The following GRM3 variants were observed in gnomAD, a reference collection of about 807,000 sequenced individuals.
GRM3 encodes the protein glutamate metabotropic receptor 3, also known as metabotropic glutamate receptor 3.
Under a neutral mutation model 70.5 loss-of-function variants are expected in GRM3, and 26 were observed. That is an observed-to-expected ratio of 0.37 (90% confidence interval 0.27 to 0.51). The LOEUF is 0.51. Among genes scored for constraint, GRM3 ranks in the 20% least tolerant of loss-of-function variants. The pLI, the probability that GRM3 is intolerant of heterozygous loss-of-function variation, is 0.93. For missense variants in GRM3, 859 were observed against 1,123.8 expected (o/e 0.76, Z 3.37); for synonymous variants, 443 against 434.9 (o/e 1.02, Z -0.23).
At chr7:86,655,855 TGGGTGG>T (rs1562814710) in intron 1 of GRM3, among the ~76,000 whole-genome samples, 31 of 146,410 alleles carry the variant, frequency 2.1e-4, no homozygotes, top group African/African-American at 7.8e-4. Context: ...TGTGTGTGGG[TGGGTGG>T]GTGTGTGTGT....
At position 86,729,633 on chromosome 7, in the gene GRM3, T is replaced by C. The variant is rs547507437; in HGVS notation, c.-140-35373T>C. The stretch of plus-strand genomic sequence containing the variant: ...ATTAATATATACGCATATGAAATTA[T>C]GTATGTACATACACAAACTTTTCTA... On this transcript the variant is annotated intron_variant, in intron 1 of 5. Transcript: ENST00000361669. Among the ~76,000 whole-genome samples the C allele has an allele frequency of 2.6e-5, 4 of 152,372 alleles. No individual in the cohort carries two copies. The East Asian group carries it at 7.7e-4, about 29-fold the overall frequency.
chr7:86,688,747 GTATA>G, intron 1 of GRM3, among the ~76,000 whole-genome samples: 1 of 144,310 alleles, frequency 6.9e-6, no homozygotes, highest in South Asian at 2.2e-4. Context: ...TATATATATC[GTATA>G]TATATATCTC....
chr7:86,679,229 G>T (rs1481494374), intron 1 of GRM3, among the ~76,000 whole-genome samples: 1 of 151,966 alleles, frequency 6.6e-6, no homozygotes, highest in Admixed American at 6.6e-5. Flanking sequence ...TGAATTTGTA[G>T]AAGGAAATAT....
At chr7:86,704,370 A>G (rs1306406010) in intron 1 of GRM3, among the ~76,000 whole-genome samples, 3 of 152,038 alleles carry the variant, frequency 2.0e-5, no homozygotes, top group African/African-American at 7.2e-5. Flanking sequence ...ATATTTTTCC[A>G]TTATCACCTA....
rs374643241 is a variant in GRM3 at position 86,787,036 on chromosome 7, C to T, written c.1244C>T (p.Thr415Ile). 3 of 1,613,206 alleles carry T rather than the reference C, an allele frequency of 1.9e-6. No individual in the cohort carries two copies. The highest frequency in any genetic ancestry group is 2.5e-6 in the Non-Finnish European group (3 of 1,179,480). Residue 415 changes from threonine to isoleucine, a missense_variant, in exon 3 of 6, where the codon ACT becomes ATT. Coordinates refer to ENST00000361669, the MANE Select transcript of GRM3 (RefSeq NM_000840.3). ...ATGCAGCGCACCCTCTGTCCCAACA[C>T]TACCAAGCTTTGTGATGCTATGAAG... ...HKMQRTLCPN[T>I]TKLCDAMKIL...
In GRM3 at chr7:86,786,461, G is replaced by T. The variant is rs1449556938; in HGVS notation, c.669G>T (p.Gly223=). 2 of 1,614,104 alleles carry T rather than the reference G, an allele frequency of 1.2e-6. No homozygotes were observed. The highest frequency in any genetic ancestry group is 1.3e-5 in the African/African-American group (1 of 74,940). ...CAGTAGCCTCCGAGGGTGATTACGG[G>T]GAGACAGGGATCGAGGCCTTCGAGC... is the stretch of plus-strand genomic sequence containing the variant. ...VSTVASEGDY[G]ETGIEAFEQE... is the part of the protein sequence containing the mutation. The change falls in exon 3 of 6, where the codon GGG becomes GGT. Residue 223 remains glycine (G), a synonymous_variant. Transcript: ENST00000361669. This position sits in a 1 kb window ranked among gnomAD's most constrained non-coding sequence, Gnocchi z 6.0.
intron 1 of GRM3, among the ~76,000 whole-genome samples, chr7:86,708,944 TATAC>T (rs942076975): frequency 2.9e-4 from 22 of 77,026 alleles, no homozygotes; most frequent in African/African-American, 1.3e-3. Context: ...CACACATACA[TATAC>T]ACACACACAC....
intron 1 of GRM3, among the ~76,000 whole-genome samples, chr7:86,681,319 G>C (rs1251103739): frequency 2.0e-5 from 3 of 152,100 alleles, no homozygotes; most frequent in African/African-American, 7.2e-5. Flanking sequence ...TCTCCATACT[G>C]GCCAAGGGGA....
intron 1 of GRM3, among the ~76,000 whole-genome samples, chr7:86,657,130 T>A (rs1793766933): frequency 6.6e-6 from 1 of 152,192 alleles, no homozygotes; most frequent in Non-Finnish European, 1.5e-5. Flanking sequence ...ATATAAAAGT[T>A]TAAAAATTTA....
rs754710321 is a variant in GRM3 at position 86,839,402 on chromosome 7, T to A, written c.1888T>A (p.Phe630Ile). ...GGTTGGCCTGTCATACTGCATGACA[T>A]TCTTCTTCATTGCCAAGCCATCACC... is the stretch of plus-strand genomic sequence containing the variant. The part of the protein sequence containing the change: ...FGVGLSYCMT[F>I]FFIAKPSPVI... The change falls in exon 4 of 6, where the codon TTC (phenylalanine) becomes ATC (isoleucine). Residue 630 changes from phenylalanine (F) to isoleucine (I), a missense_variant. Phe to Ile is a conservative substitution (Grantham distance 21). Coordinates refer to ENST00000361669, the MANE Select transcript of GRM3 (RefSeq NM_000840.3). The surrounding 1 kb of genome is among the most constrained non-coding windows in gnomAD (Gnocchi z 4.5). 6.2e-7 allele frequency: 1 copy of A among 1,613,952 alleles called. No individual in the cohort carries two copies. Among genetic ancestry groups the A allele is most frequent in the African/African-American group, 1.3e-5 (1 of 75,046 alleles).
chr7:86,711,312 G>A (rs923623888), intron 1 of GRM3, among the ~76,000 whole-genome samples: 8 of 151,758 alleles, frequency 5.3e-5, no homozygotes, highest in African/African-American at 1.5e-4. Context: ...ATCCTAATAC[G>A]GAACAACAGA....
chr7:86,754,291 C>G (rs1227909272), intron 1 of GRM3, among the ~76,000 whole-genome samples: 1 of 152,122 alleles, frequency 6.6e-6, no homozygotes, highest in Non-Finnish European at 1.5e-5. Context: ...AAATGTCTCT[C>G]TCTTTAATGT....
chr7:86,779,790 C>T (rs1424734426), intron 2 of GRM3, among the ~76,000 whole-genome samples: 1 of 152,062 alleles, frequency 6.6e-6, no homozygotes, highest in African/African-American at 2.4e-5. Context: ...ACAGAAGGAA[C>T]ATCACAGTAA....
intron 1 of GRM3, 61 bp downstream of exon 1, chr7:86,644,933 C>A: frequency 1.1e-6 from 1 of 951,824 alleles, no homozygotes; most frequent in Non-Finnish European, 1.5e-6. Context: ...CGCGGAAGCT[C>A]GGGTGCCGCG....
chr7:86,811,810 A>G (rs1044493290), intron 3 of GRM3, among the ~76,000 whole-genome samples: 13 of 151,768 alleles, frequency 8.6e-5, no homozygotes, highest in Middle Eastern at 3.4e-3. Flanking sequence ...AAACCTTGAT[A>G]ATCATCTGTA....
In GRM3 at chr7:86,828,111, C is replaced by CAA. The variant is rs55645713; in HGVS notation, c.1325-10703_1325-10702dup. Among the ~76,000 whole-genome samples the CAA allele has an allele frequency of 6.3e-4, 43 of 68,284 alleles. 1 individual carries two copies. The highest frequency in any genetic ancestry group is 1.8e-3 in the East Asian group (3 of 1,672). 44.8% of individuals were successfully genotyped at this position (68,284 alleles called of 152,430 possible). On this transcript the variant is annotated intron_variant, in intron 3 of 5. Coordinates refer to ENST00000361669, the MANE Select transcript of GRM3 (RefSeq NM_000840.3). ...TGGGCGACTGAGCAGAACTCCGTAT[C>CAA]AAAAAAAAAAAAAAAAAAAAAAAAA...
At position 86,814,547 on chromosome 7, in the gene GRM3, C is replaced by T. The variant is rs975004567; in HGVS notation, c.1325-24292C>T. On this transcript the variant is annotated intron_variant, in intron 3 of 5. Coordinates refer to ENST00000361669, the MANE Select transcript of GRM3 (RefSeq NM_000840.3). ...GACAATATCAGAAGAAATACACTCT[C>T]TTGAAGATATAAAGCTAACTGCCAT... Among the ~76,000 whole-genome samples, 21 of 151,894 alleles carry T rather than the reference C, an allele frequency of 1.4e-4. 1 individual carries two copies. Among genetic ancestry groups the T allele is most frequent in the Admixed American group, 1.4e-3 (21 of 15,202 alleles).
chr7:86,836,271 A>G (rs76364106), intron 3 of GRM3, among the ~76,000 whole-genome samples: 6,873 of 152,240 alleles, frequency 0.045, 507 homozygotes, highest in African/African-American at 0.16. Context: ...GCTTTGACCC[A>G]ACAGTTTTTC....
intron 1 of GRM3, among the ~76,000 whole-genome samples, chr7:86,646,033 G>T: frequency 1.4e-5 from 2 of 140,046 alleles, no homozygotes; most frequent in South Asian, 2.3e-4. Context: ...GAGTTTAGGG[G>T]GTGGAGTCTG....
Sources: allele counts gnomAD v4.1 joint callset (sites outside exome capture counted in the v4.1 genomes callset), GRCh38; gene constraint gnomAD v4.1.1; non-coding constraint Gnocchi (gnomAD v3.1); transcripts MANE v1.5; gene names NCBI Gene and HGNC (gene_info 2026-07-23, HGNC 2026-07-21).